RRBP1: variants seen among roughly 807,000 people sequenced by gnomAD.
The protein encoded by RRBP1 is ribosome-binding protein 1.
Under a neutral mutation model 165.2 loss-of-function variants are expected in RRBP1, and 94 were observed. That is an observed-to-expected ratio of 0.57 (90% confidence interval 0.48 to 0.68). RRBP1 has a LOEUF of 0.68. RRBP1 is among the 30% of genes least tolerant of loss of function. The pLI, the probability that RRBP1 is intolerant of heterozygous loss-of-function variation, is 0.00. For missense variants in RRBP1, 1,676 were observed against 1,763.0 expected, an observed-to-expected ratio of 0.95 and a Z score of 0.88; for synonymous variants, 680 against 714.5, an observed-to-expected ratio of 0.95 and a Z score of 0.77.
intron 2 of RRBP1, among the ~76,000 whole-genome samples, chr20:17,676,248 A>G (rs1335693123): frequency 6.6e-6 from 1 of 152,178 alleles, no homozygotes; most frequent in Non-Finnish European, 1.5e-5. Context: ...TGGACCAGGG[A>G]GAAGGCAGAA....
chr20:17,664,019 TA>T (rs780641476), intron 2 of RRBP1, among the ~76,000 whole-genome samples: 72 of 152,350 alleles, frequency 4.7e-4, no homozygotes, highest in Non-Finnish European at 6.9e-4. Flanking sequence ...GAATCCTATA[TA>T]CACTATTTTT....
intron 3 of RRBP1, among the ~76,000 whole-genome samples, chr20:17,648,781 C>T (rs575024002): frequency 2.6e-5 from 4 of 152,218 alleles, no homozygotes; most frequent in Admixed American, 2.6e-4. Flanking sequence ...TTAAAAAAAA[C>T]CCACATCACA....
chr20:17,651,351 C>T (rs910988258), intron 3 of RRBP1, among the ~76,000 whole-genome samples: 3 of 152,202 alleles, frequency 2.0e-5, no homozygotes, highest in African/African-American at 2.4e-5. Context: ...AAATTAAAAA[C>T]GTACCCACCT....
chr20:17,630,513 C>T (rs2036127662), intron 8 of RRBP1, among the ~76,000 whole-genome samples: 1 of 152,228 alleles, frequency 6.6e-6, no homozygotes, highest in African/African-American at 2.4e-5. Context: ...TCAAAAGTAT[C>T]TCAGAGACAT....
rs367758563 is a variant in RRBP1 at position 17,629,811 on chromosome 20, C to T, written c.2749+12G>A. Reference sequence around the variant, plus strand: ...TGCACTGAACCCCCGGCCCCACTGCCGCCGCCCTTACCGGCCATCTGCTGC... The same window carrying T: ...TGCACTGAACCCCCGGCCCCACTGCTGCCGCCCTTACCGGCCATCTGCTGC... On this transcript the variant is annotated intron_variant, in intron 9 of 24. Transcript: ENST00000377813. 76 of 1,594,036 alleles carry T rather than the reference C, an allele frequency of 4.8e-5. No homozygotes were observed. Among genetic ancestry groups the T allele is most frequent in the South Asian group, 5.5e-5 (5 of 90,578 alleles).
chr20:17,659,332 T>G lies in RRBP1; in HGVS notation c.1176A>C (p.Val392=), dbSNP rs546228781. The G allele has an allele frequency of 2.0e-6, 3 of 1,501,646 alleles. No individual in the cohort carries two copies. The highest frequency in any genetic ancestry group is 2.7e-6 in the Non-Finnish European group (3 of 1,117,036). 93.0% of individuals were successfully genotyped at this position (1,501,646 alleles called of 1,614,324 possible). ...TCTTGCCCTGGTTCTGGGCCCCTTC[T>G]ACTTTTTTGCCCTGGTTCTGAGCCC... ...AEGAQNQGKK[V]EGAQNQGKKA... The change falls in exon 3 of 25, where the codon GTA becomes GTC. Residue 392 remains valine (V), a synonymous_variant. Coordinates refer to ENST00000377813, the MANE Select transcript of RRBP1 (RefSeq NM_001365613.2).
intron 2 of RRBP1, among the ~76,000 whole-genome samples, chr20:17,665,183 GA>G (rs1229168903): frequency 1.3e-5 from 2 of 152,024 alleles, no homozygotes; most frequent in East Asian, 3.9e-4. Context: ...ACAACACCCT[GA>G]ATGGGCCACT....
chr20:17,636,754 G>A (rs1309522233), intron 5 of RRBP1, 25 bp from the exon 6 acceptor site: 14 of 1,611,440 alleles, frequency 8.7e-6, no homozygotes, highest in South Asian at 3.3e-5. Flanking sequence ...GCAGAGAGAG[G>A]GGCTGGTAAG....
At chr20:17,626,078 A>G (rs1464865301) in intron 11 of RRBP1, among the ~76,000 whole-genome samples, 2 of 152,194 alleles carry the variant, frequency 1.3e-5, no homozygotes, top group African/African-American at 4.8e-5. Context: ...ATTCTAGAAT[A>G]TCTGGGGCTG....
rs750877170 is a variant in RRBP1 at position 17,660,433 on chromosome 20, G to C, written c.75C>G (p.Ile25Met). The change falls in exon 3 of 25, where the codon ATC becomes ATG. Residue 25 changes from isoleucine (I) to methionine (M), a missense_variant. Around this residue, in one of 5 missense-constraint regions of RRBP1, gnomAD observed 392 missense variants for 382.5 expected, o/e 1.02. Transcript: ENST00000377813. ...GGFMVVSAIG[I>M]FLVSTFSMKE... ...TCATGGAGAAAGTCGACACCAGGAAGATGCCAATGGCAGAAACAACCATGA... is the reference window on the plus strand; with the variant it reads ...TCATGGAGAAAGTCGACACCAGGAACATGCCAATGGCAGAAACAACCATGA... 1 of 1,614,166 alleles carries C rather than the reference G, an allele frequency of 6.2e-7. No individual in the cohort carries two copies. Among genetic ancestry groups the C allele is most frequent in the Admixed American group, 1.7e-5 (1 of 60,028 alleles).
chr20:17,642,049 G>A, intron 4 of RRBP1, 130 bp from the exon 5 acceptor site: 1 of 1,023,770 alleles, frequency 9.8e-7, no homozygotes. Flanking sequence ...GGGTTCCACT[G>A]GGACTCCAGA....
intron 8 of RRBP1, among the ~76,000 whole-genome samples, chr20:17,631,317 T>A (rs1030269792): frequency 6.6e-6 from 1 of 152,238 alleles, no homozygotes; most frequent in Non-Finnish European, 1.5e-5. Context: ...GCTGCTGCTT[T>A]TTTTCTTTAA....
intron 5 of RRBP1, among the ~76,000 whole-genome samples, chr20:17,639,449 T>A (rs566584290): frequency 6.6e-6 from 1 of 152,302 alleles, no homozygotes; most frequent in African/African-American, 2.4e-5. Flanking sequence ...AGAAAACATG[T>A]CGAAGGGACT....
At position 17,644,524 on chromosome 20, in the gene RRBP1, G is replaced by A. The variant is rs542888873; in HGVS notation, c.1913-1397C>T. On this transcript the variant is annotated intron_variant, in intron 3 of 24. Coordinates refer to ENST00000377813, the MANE Select transcript of RRBP1 (RefSeq NM_001365613.2). ...GTCTTCCCCCTCAGCCTGCAGGTGC[G>A]TGTCTACTGCCAGCACTTTCCAGGA... Among the ~76,000 whole-genome samples, 19 of 152,306 alleles carry A rather than the reference G, an allele frequency of 1.2e-4. No homozygotes were observed. The South Asian group carries it at 2.7e-3, about 22-fold the overall frequency.
chr20:17,661,211 G>A (rs1035728706), intron 2 of RRBP1, among the ~76,000 whole-genome samples: 8 of 152,164 alleles, frequency 5.3e-5, no homozygotes, highest in East Asian at 3.8e-4. Context: ...CTGCTACCCA[G>A]GATCAGAGAT....
At chr20:17,631,710 C>T (rs958993801) in intron 8 of RRBP1, among the ~76,000 whole-genome samples, 3 of 152,220 alleles carry the variant, frequency 2.0e-5, no homozygotes, top group Admixed American at 6.5e-5. Flanking sequence ...AGAGGCCGTC[C>T]GGGGAGAGAC....
intron 5 of RRBP1, among the ~76,000 whole-genome samples, chr20:17,637,229 G>A (rs760835874): frequency 1.3e-5 from 2 of 152,136 alleles, no homozygotes; most frequent in African/African-American, 2.4e-5. Context: ...CTCTGCAGGC[G>A]GTCGCTCTGT....
chr20:17,663,550 C>CT (rs2036810646), intron 2 of RRBP1, among the ~76,000 whole-genome samples: 1 of 152,190 alleles, frequency 6.6e-6, no homozygotes, highest in African/African-American at 2.4e-5. Flanking sequence ...AAGCCCTAGT[C>CT]TTAAGTAGTA....
At position 17,659,700 on chromosome 20, in the gene RRBP1, T is replaced by C. The variant is rs764525899; in HGVS notation, c.808A>G (p.Lys270Glu). The change falls in exon 3 of 25, where the codon AAA (lysine) becomes GAA (glutamate). Residue 270 changes from lysine (K) to glutamate (E), a missense_variant. By Grantham distance (56) the Lys-to-Glu change is moderately conservative (BLOSUM62 1). Transcript: ENST00000377813. ...TGGTTTGGGGTTGTATCTACCTTTT[T>C]ACCCTGGTTCTGGGCCCCCTCCGCC... ...KKAEGAQNQG[K>E]KVDTTPNQGK... is the part of the protein sequence containing the mutation. 1.3e-6 allele frequency: 2 copies of C among 1,550,632 alleles called. No individual in the cohort carries two copies. Among genetic ancestry groups the C allele is most frequent in the South Asian group, 2.4e-5 (2 of 84,062 alleles).
Sources: gnomAD v4.1 joint callset for allele counts (sites outside exome capture counted in the v4.1 genomes callset) on GRCh38, gnomAD v4.1.1 for gene constraint, gnomAD v4.1.1 regional missense constraint, MANE v1.5 for transcripts, NCBI Gene and HGNC (gene_info 2026-07-23, HGNC 2026-07-21) for gene names.